STPG2: variants seen among roughly 807,000 people sequenced by gnomAD.
STPG2 encodes the protein sperm tail PG-rich repeat containing 2, also known as sperm-tail PG-rich repeat-containing protein 2.
Under a neutral mutation model 54.2 loss-of-function variants are expected in STPG2, and 56 were observed. The ratio of observed to expected loss-of-function variants is 1.03; its 90% CI spans 0.83 to 1.29. STPG2 has a LOEUF of 1.29. Ranked by LOEUF, STPG2 falls within the 50% of genes most tolerant of loss-of-function variation. The pLI, the probability that STPG2 is intolerant of heterozygous loss-of-function variation, is 0.00. For missense variants in STPG2, 596 were observed against 544.9 expected (o/e 1.09, Z -0.93); for synonymous variants, 200 against 181.8 (o/e 1.10, Z -0.81).
intron 5 of STPG2, among the ~76,000 whole-genome samples, chr4:98,062,429 T>C (rs1437786052): frequency 6.6e-6 from 1 of 152,068 alleles, no homozygotes; most frequent in Non-Finnish European, 1.5e-5. Flanking sequence ...AACTTTCGCA[T>C]GTACCCCAGA....
chr4:97,550,345 AC>A (rs767368001), intron 4 of STPG2, among the ~76,000 whole-genome samples: 2 of 152,076 alleles, frequency 1.3e-5, no homozygotes, highest in Admixed American at 6.6e-5. Flanking sequence ...GATATAATGT[AC>A]CTAACAAATA....
At chr4:97,869,788 G>T (rs1178202004) in intron 8 of STPG2, among the ~76,000 whole-genome samples, 1 of 151,590 alleles carries the variant, frequency 6.6e-6, no homozygotes, top group Non-Finnish European at 1.5e-5. Flanking sequence ...TTTCCTGAGA[G>T]TATTTCAGAT....
At chr4:97,834,782 C>T (rs926920984) in intron 9 of STPG2, among the ~76,000 whole-genome samples, 3 of 152,016 alleles carry the variant, frequency 2.0e-5, no homozygotes, top group Non-Finnish European at 2.9e-5. Flanking sequence ...ATGGATCTCA[C>T]CTTTTGTTGG....
intron 9 of STPG2, among the ~76,000 whole-genome samples, chr4:97,743,304 A>G (rs1246902899): frequency 2.0e-5 from 3 of 151,696 alleles, no homozygotes; most frequent in Non-Finnish European, 4.4e-5. Context: ...TTGCTTTTTA[A>G]TATTATCAGA....
chr4:97,621,279 A>C (rs1734003491), intron 10 of STPG2, among the ~76,000 whole-genome samples: 1 of 152,178 alleles, frequency 6.6e-6, no homozygotes, highest in Non-Finnish European at 1.5e-5. Context: ...GAGGACAAGA[A>C]ATAACTAAAA....
chr4:97,707,228 AAG>A (rs1477888113), intron 10 of STPG2, among the ~76,000 whole-genome samples: 1 of 152,148 alleles, frequency 6.6e-6, no homozygotes, highest in Non-Finnish European at 1.5e-5. Flanking sequence ...CATTAACTAA[AAG>A]AGAATGAGAG....
At chr4:97,973,533 A>G (rs1348278434) in intron 6 of STPG2, among the ~76,000 whole-genome samples, 2 of 152,222 alleles carry the variant, frequency 1.3e-5, no homozygotes, top group Non-Finnish European at 2.9e-5. Flanking sequence ...AGTAATGAGG[A>G]GTTGAATGTT....
At chr4:97,529,218 T>C (rs527880120) in intron 4 of STPG2, among the ~76,000 whole-genome samples, 1 of 152,356 alleles carries the variant, frequency 6.6e-6, no homozygotes, top group African/African-American at 2.4e-5. Context: ...TCGAATGCCT[T>C]TTCTGCATCT....
chr4:98,122,776 C>G (rs1739716162), intron 3 of STPG2, among the ~76,000 whole-genome samples: 1 of 152,038 alleles, frequency 6.6e-6, no homozygotes, highest in African/African-American at 2.4e-5. Context: ...CTCTTTGTAC[C>G]TCTAGTAGAA....
At chr4:97,671,574 A>T (rs186132596) in intron 10 of STPG2, among the ~76,000 whole-genome samples, 1 of 152,380 alleles carries the variant, frequency 6.6e-6, no homozygotes, top group East Asian at 1.9e-4. Context: ...CAAAGAAATT[A>T]GAAGAGTAAA....
chr4:97,740,811 C>T (rs1725200206), intron 9 of STPG2, among the ~76,000 whole-genome samples: 1 of 152,104 alleles, frequency 6.6e-6, no homozygotes, highest in African/African-American at 2.4e-5. Context: ...ACATTCAATG[C>T]CATCCCCATC....
intron 8 of STPG2, among the ~76,000 whole-genome samples, chr4:97,882,971 C>A (rs560980812): frequency 0.035 from 3,813 of 108,436 alleles, 78 homozygotes; most frequent in Middle Eastern, 0.048. Flanking sequence ...CACATACATA[C>A]CACATACACA....
intron 9 of STPG2, among the ~76,000 whole-genome samples, chr4:97,798,605 C>A (rs1327939122): frequency 1.4e-5 from 2 of 146,714 alleles, no homozygotes; most frequent in Non-Finnish European, 3.0e-5. Context: ...ACTTCCAACT[C>A]TGTGGTCAAT....
intron 4 of STPG2, among the ~76,000 whole-genome samples, chr4:97,477,367 A>G (rs963936926): frequency 5.9e-5 from 9 of 151,868 alleles, no homozygotes; most frequent in Admixed American, 4.6e-4. Flanking sequence ...AGTTCTAGGG[A>G]TTTATTTGTC....
Position 97,450,806 on chromosome 4 carries a change from C to T in STPG2, c.462+261893G>A, listed in dbSNP as rs1412011542. On this transcript the variant is annotated intron_variant, in intron 4 of 4. Transcript: ENST00000522676. ...TTACAAAGTTTTTAAGATATTATTGCTTTTTGGAAAATCACATTATTGTAT... is the reference window on the plus strand; with the variant it reads ...TTACAAAGTTTTTAAGATATTATTGTTTTTTGGAAAATCACATTATTGTAT... Among the ~76,000 whole-genome samples the T allele has an allele frequency of 2.0e-5, 3 of 151,980 alleles. No homozygotes were observed. In the South Asian group the frequency reaches 6.2e-4, roughly 32 times the overall value.
At chr4:97,552,951 T>C (rs6532681) in intron 4 of STPG2, among the ~76,000 whole-genome samples, 96,806 of 152,000 alleles carry the variant, frequency 0.64, 32,016 homozygotes, top group African/African-American at 0.83. Context: ...TCAAACCAGA[T>C]TGGTAGTCTT....
intron 8 of STPG2, among the ~76,000 whole-genome samples, chr4:97,933,023 G>A (rs751043530): frequency 6.6e-6 from 1 of 152,162 alleles, no homozygotes; most frequent in Non-Finnish European, 1.5e-5. Flanking sequence ...AGTCTTGCCA[G>A]CATCTGTTGT....
intron 10 of STPG2, among the ~76,000 whole-genome samples, chr4:97,578,473 C>A (rs1732779739): frequency 6.6e-6 from 1 of 151,960 alleles, no homozygotes; most frequent in Non-Finnish European, 1.5e-5. Flanking sequence ...GGAACTGAGC[C>A]CTTAATCCAT....
At chr4:98,005,907 CTT>C (rs1735564235) in intron 5 of STPG2, among the ~76,000 whole-genome samples, 6 of 152,142 alleles carry the variant, frequency 3.9e-5, no homozygotes, top group Admixed American at 3.9e-4. Flanking sequence ...ATGGTTCCCT[CTT>C]TTTCCATTTT....
Sources: gnomAD v4.1 joint callset for allele counts (sites outside exome capture counted in the v4.1 genomes callset) on GRCh38, gnomAD v4.1.1 for gene constraint, MANE v1.5 for transcripts, NCBI Gene and HGNC (gene_info 2026-07-23, HGNC 2026-07-21) for gene names.